Variants in GABRB2 observed in about 807,000 individuals in gnomAD.
GABRB2 encodes gamma-aminobutyric acid type A receptor subunit beta2, also known as gamma-aminobutyric acid receptor subunit beta-2.
In GABRB2, 16 loss-of-function variants were observed where a neutral mutation model predicts 54.7. The observed-to-expected ratio is 0.29, with a 90% confidence interval of 0.20 to 0.44. GABRB2 has a LOEUF of 0.44. GABRB2 is among the 20% of genes least tolerant of loss of function. GABRB2 has a pLI of 1.00. For missense variants in GABRB2, 355 were observed against 644.0 expected (o/e 0.55, Z 4.86); for synonymous variants, 244 against 233.8 (o/e 1.04, Z -0.40).
At chr5:161,393,588 T>A (rs1232303527) in intron 5 of GABRB2, among the ~76,000 whole-genome samples, 1 of 151,996 alleles carries the variant, frequency 6.6e-6, no homozygotes, top group Admixed American at 6.6e-5. Flanking sequence ...GCAAAAAGTA[T>A]GGATAATGTC....
intron 3 of GABRB2, among the ~76,000 whole-genome samples, chr5:161,533,746 T>C (rs1294331819): frequency 1.3e-5 from 2 of 152,176 alleles, no homozygotes; most frequent in South Asian, 2.1e-4. Flanking sequence ...GCATATGTTG[T>C]AAGCTCATAG....
At position 161,494,940 on chromosome 5, in the gene GABRB2, A is replaced by G. The variant is rs1418117751; in HGVS notation, c.238-35096T>C. Among the ~76,000 whole-genome samples the G allele has an allele frequency of 2.0e-5, 3 of 152,050 alleles. No homozygotes were observed. The East Asian group carries it at 5.8e-4, about 29-fold the overall frequency. On this transcript the variant is annotated intron_variant, in intron 3 of 9. Coordinates refer to ENST00000393959, the MANE Select transcript of GABRB2 (RefSeq NM_001371727.1). The stretch of plus-strand genomic sequence containing the variant: ...AAAAATTTAAAATATAAGCCTATAT[A>G]AAGTATTTTGATTGTTTTCAGGCTT...
chr5:161,481,205 T>C (rs1200206281), intron 3 of GABRB2, among the ~76,000 whole-genome samples: 2 of 152,018 alleles, frequency 1.3e-5, no homozygotes, highest in Non-Finnish European at 2.9e-5. Context: ...TAAAGGTAAC[T>C]AGATGAATGG....
chr5:161,328,805 T>C (rs967866240), intron 8 of GABRB2, among the ~76,000 whole-genome samples: 1 of 152,116 alleles, frequency 6.6e-6, no homozygotes, highest in Non-Finnish European at 1.5e-5. Flanking sequence ...ATACCAGTAG[T>C]AAACCTCATC....
chr5:161,363,982 C>A (rs1754899748), intron 5 of GABRB2, among the ~76,000 whole-genome samples: 1 of 152,092 alleles, frequency 6.6e-6, no homozygotes, highest in Non-Finnish European at 1.5e-5. Context: ...TCGTAAGATT[C>A]ATTTTCCTGT....
At chr5:161,393,260 A>T in intron 5 of GABRB2, among the ~76,000 whole-genome samples, 1 of 139,646 alleles carries the variant, frequency 7.2e-6, no homozygotes, top group South Asian at 2.3e-4. Flanking sequence ...AAGGTATAAG[A>T]TTTCTTTATA....
intron 3 of GABRB2, among the ~76,000 whole-genome samples, chr5:161,500,830 T>C (rs1044117368): frequency 6.6e-6 from 1 of 151,498 alleles, no homozygotes; most frequent in Admixed American, 6.6e-5. Context: ...TGTTTCTTGA[T>C]TTTTTTTTCT....
At chr5:161,308,143 G>A (rs1217985650) in intron 9 of GABRB2, among the ~76,000 whole-genome samples, 1 of 152,164 alleles carries the variant, frequency 6.6e-6, no homozygotes, top group Non-Finnish European at 1.5e-5. Flanking sequence ...TTACAGGCGT[G>A]AGCCACCATG....
intron 3 of GABRB2, among the ~76,000 whole-genome samples, chr5:161,490,270 A>C (rs1352550025): frequency 6.6e-6 from 1 of 151,728 alleles, no homozygotes; most frequent in African/African-American, 2.4e-5. Context: ...TTTGAGAGAT[A>C]GAATAAACAT....
chr5:161,298,554 G>T (rs1169163892), intron 9 of GABRB2, among the ~76,000 whole-genome samples: 5 of 152,132 alleles, frequency 3.3e-5, no homozygotes, highest in Admixed American at 6.5e-5. Context: ...ACCTCTTTGT[G>T]AGTCATCAAT....
At chr5:161,531,794 TA>T (rs1760471595) in intron 3 of GABRB2, among the ~76,000 whole-genome samples, 1 of 152,104 alleles carries the variant, frequency 6.6e-6, no homozygotes, top group African/African-American at 2.4e-5. Context: ...ACAGCTTGCT[TA>T]TATTTCATCA....
intron 4 of GABRB2, among the ~76,000 whole-genome samples, chr5:161,458,732 G>A (rs925797324): frequency 6.6e-6 from 1 of 152,136 alleles, no homozygotes; most frequent in Non-Finnish European, 1.5e-5. Flanking sequence ...TAATGTATGA[G>A]GTTGTTGTAA....
intron 5 of GABRB2, among the ~76,000 whole-genome samples, chr5:161,409,468 C>T (rs1338676913): frequency 1.3e-5 from 2 of 151,980 alleles, no homozygotes; most frequent in Non-Finnish European, 2.9e-5. Context: ...ATAAAGAGGC[C>T]TTGTTTACTT....
At chr5:161,440,802 C>T (rs566382064) in intron 4 of GABRB2, among the ~76,000 whole-genome samples, 30 of 152,082 alleles carry the variant, frequency 2.0e-4, no homozygotes, top group Admixed American at 1.2e-3. Flanking sequence ...TAGAGGCCCC[C>T]GAAACAAATC....
chr5:161,472,538 T>G (rs1468989212), intron 3 of GABRB2, among the ~76,000 whole-genome samples: 1 of 151,752 alleles, frequency 6.6e-6, no homozygotes, highest in East Asian at 1.9e-4. Context: ...GGTGGGGAGA[T>G]GAATGTCAGT....
chr5:161,533,296 A>G (rs1453153946), intron 3 of GABRB2, among the ~76,000 whole-genome samples: 2 of 152,208 alleles, frequency 1.3e-5, no homozygotes, highest in Admixed American at 1.3e-4. Flanking sequence ...TATTTTTCAA[A>G]TAAAATGCAC....
intron 9 of GABRB2, among the ~76,000 whole-genome samples, chr5:161,302,144 C>T (rs890366849): frequency 3.9e-5 from 6 of 152,150 alleles, no homozygotes; most frequent in African/African-American, 9.7e-5. Context: ...GACTTCACTG[C>T]GGACTTGAAT....
intron 4 of GABRB2, 66 bp downstream of exon 4, chr5:161,459,558 C>T (rs1430880585): frequency 4.7e-6 from 6 of 1,283,858 alleles, no homozygotes; most frequent in South Asian, 3.7e-5. Flanking sequence ...ACAATATTTC[C>T]ATCCAATGAA....
chr5:161,320,681 T>A (rs1758183566), intron 9 of GABRB2, among the ~76,000 whole-genome samples: 1 of 151,966 alleles, frequency 6.6e-6, no homozygotes, highest in African/African-American at 2.4e-5. Context: ...TTTAGAACAT[T>A]TTCTAATACC....
Sources: allele counts gnomAD v4.1 joint callset (sites outside exome capture counted in the v4.1 genomes callset), GRCh38; gene constraint gnomAD v4.1.1; transcripts MANE v1.5; gene names NCBI Gene and HGNC (gene_info 2026-07-23, HGNC 2026-07-21).